Variants in RNF112 observed in about 807,000 individuals in gnomAD.
RNF112 encodes ring finger protein 112, also known as brain finger protein.
RNF112 carries 34 observed loss-of-function variants against 64.7 expected under a neutral mutation model. That is an observed-to-expected ratio of 0.53 (90% CI 0.40 to 0.70). RNF112 has a LOEUF of 0.70. RNF112 is among the 30% of genes least tolerant of loss of function. RNF112 has a pLI of 0.00. For synonymous variants in RNF112, 345 were observed against 344.5 expected, an observed-to-expected ratio of 1.00 and a Z score of -0.02; for missense variants, 734 against 850.0, an observed-to-expected ratio of 0.86 and a Z score of 1.70.
Position 19,412,728 on chromosome 17 carries a change from G to C in RNF112, c.326G>C (p.Ser109Thr), listed in dbSNP as rs561425897. The change falls in exon 3 of 14, where the codon AGC (serine) becomes ACC (threonine). Residue 109 changes from serine (S) to threonine (T), a missense_variant. Physicochemically the swap from Ser to Thr is moderately conservative, Grantham distance 58. Transcript: ENST00000461366. The surrounding 1 kb of genome is among the most constrained non-coding windows in gnomAD (Gnocchi z 5.1). ...TGCAAGCAGAAGAGGGGCCTCCGGA[G>C]CCTGGGCGAGAAGATGAAGCTCCTG... ...KICKQKRGLRSLGEKMKLLPQ... is the reference protein window; with the variant it reads ...KICKQKRGLRTLGEKMKLLPQ... 89 of 1,613,134 alleles carry C rather than the reference G, an allele frequency of 5.5e-5. 1 individual carries two copies. The East Asian group carries it at 1.8e-3, about 33-fold the overall frequency.
chr17:19,413,366 A>G lies in RNF112; in HGVS notation c.675A>G (p.Ile225Met), dbSNP rs1253350279. 1.2e-6 allele frequency: 2 copies of G among 1,613,018 alleles called. No homozygotes were observed. Among genetic ancestry groups the G allele is most frequent in the Non-Finnish European group, 1.7e-6 (2 of 1,179,554 alleles). ...RWGANGLARG[I>M]WMWSHPFLLG... ...GCGCCAATGGCCTCGCCAGGGGCAT[A>G]TGGATGTGGAGCCACCCCTTCTTGC... The change falls in exon 5 of 14, where the codon ATA (isoleucine) becomes ATG (methionine). Residue 225 changes from isoleucine (I) to methionine (M), a missense_variant. Transcript: ENST00000461366. The surrounding 1 kb of genome is among the most constrained non-coding windows in gnomAD (Gnocchi z 5.9).
chr17:19,412,400 C>T lies in RNF112; in HGVS notation c.96-98C>T. 6.7e-6 allele frequency: 9 copies of T among 1,333,608 alleles called. No individual in the cohort carries two copies. Among genetic ancestry groups the T allele is most frequent in the East Asian group, 2.5e-5 (1 of 40,470 alleles). The allele number at this position is 1,333,608 out of a possible 1,614,324, so 82.6% of individuals were successfully genotyped here. A position where few individuals can be genotyped will look rare whatever the true frequency, so the allele number is the denominator to read the frequency against. ...GGAAATTGGGTTGGCACAAAGGGAC[C>T]TCCACTCCCAAGCCATCAGTCTTCC... On this transcript the variant is annotated intron_variant, in intron 2 of 13. Coordinates refer to ENST00000461366, the MANE Select transcript of RNF112 (RefSeq NM_007148.5). The surrounding 1 kb of genome is among the most constrained non-coding windows in gnomAD (Gnocchi z 5.1).
rs1913772044 is a variant in RNF112 at position 19,413,970 on chromosome 17, T to C, written c.826-125T>C. The C allele has an allele frequency of 1.3e-6, 1 of 774,428 alleles. No individual in the cohort carries two copies. The highest frequency in any genetic ancestry group is 2.1e-6 in the Non-Finnish European group (1 of 471,436). 48.0% of individuals were successfully genotyped at this position (774,428 alleles called of 1,614,324 possible). A position where few individuals can be genotyped will look rare whatever the true frequency, so the allele number is the denominator to read the frequency against. On this transcript the variant is annotated intron_variant, in intron 6 of 13. Coordinates refer to ENST00000461366, the MANE Select transcript of RNF112 (RefSeq NM_007148.5). This position sits in a 1 kb window ranked among gnomAD's most constrained non-coding sequence, Gnocchi z 5.9. ...AGCCCTGCAGCCTTCGAGGCCCCCA[T>C]ACTGGCCTCTCCCATACTCTGAGGC...
Position 19,413,546 on chromosome 17 carries a change from C to A in RNF112, c.721-31C>A. The A allele has an allele frequency of 6.3e-7, 1 of 1,598,062 alleles. No individual in the cohort carries two copies. Among genetic ancestry groups the A allele is most frequent in the Non-Finnish European group, 8.6e-7 (1 of 1,168,836 alleles). ...ATGTGGGAGAACAAGGCAGGCCTGG[C>A]CCCTTGGGTCTTTCCCTACCCCCTG... On this transcript the variant is annotated intron_variant, in intron 5 of 13. Transcript: ENST00000461366. The surrounding 1 kb of genome is among the most constrained non-coding windows in gnomAD (Gnocchi z 5.9).
Position 19,412,648 on chromosome 17 carries a change from C to T in RNF112, c.246C>T (p.Ser82=). The T allele has an allele frequency of 6.2e-7, 1 of 1,613,500 alleles. No individual in the cohort carries two copies. The highest frequency in any genetic ancestry group is 1.1e-5 in the South Asian group (1 of 91,054). ...ACGACTTCTGCATACGGTGCTTCAG[C>T]ACACACCGTCTCCCGGGCTGTGAGC... is the stretch of plus-strand genomic sequence containing the variant. ...CGHDFCIRCF[S]THRLPGCEPP... is the part of the protein sequence containing the mutation. The change falls in exon 3 of 14, where the codon AGC becomes AGT. Residue 82 remains serine, a synonymous_variant. Transcript: ENST00000461366. This position sits in a 1 kb window ranked among gnomAD's most constrained non-coding sequence, Gnocchi z 5.1.
rs1448167039 is a variant in RNF112 at position 19,412,786 on chromosome 17, C to T, written c.381+3C>T. ...GGCCGCTGCCCCCTGCACTGCAGGTCTGGGGACTGGGCCTAATCAGTCAGA... is the reference window on the plus strand; with the variant it reads ...GGCCGCTGCCCCCTGCACTGCAGGTTTGGGGACTGGGCCTAATCAGTCAGA... On this transcript the variant is annotated splice_donor_region_variant and intron_variant, in intron 3 of 13. Coordinates refer to ENST00000461366, the MANE Select transcript of RNF112 (RefSeq NM_007148.5). This position sits in a 1 kb window ranked among gnomAD's most constrained non-coding sequence, Gnocchi z 5.1. 1 of 1,608,230 alleles carries T rather than the reference C, an allele frequency of 6.2e-7. No homozygotes were observed. The highest frequency in any genetic ancestry group is 1.7e-5 in the Admixed American group (1 of 57,996).
At position 19,413,287 on chromosome 17, in the gene RNF112, G is replaced by A; in HGVS notation, c.596G>A (p.Gly199Asp). 2 of 1,610,636 alleles carry A rather than the reference G, an allele frequency of 1.2e-6. No individual in the cohort carries two copies. The highest frequency in any genetic ancestry group is 1.7e-6 in the Non-Finnish European group (2 of 1,177,824). Residue 199 changes from glycine to aspartate, a missense_variant, in exon 5 of 14, where the codon GGT becomes GAT. Gly to Asp is a moderately conservative substitution (Grantham distance 94, BLOSUM62 -1). Coordinates refer to ENST00000461366, the MANE Select transcript of RNF112 (RefSeq NM_007148.5). The surrounding 1 kb of genome is among the most constrained non-coding windows in gnomAD (Gnocchi z 5.9). Reference protein sequence around the residue: ...LLQGLPGLESGEGGRPRGGEA... With the variant: ...LLQGLPGLESDEGGRPRGGEA... ...CCCTTCTCTCCCCTGCAGGAGTCTGGTGAGGGCGGCCGGCCAAGAGGAGGA... is the reference window on the plus strand; with the variant it reads ...CCCTTCTCTCCCCTGCAGGAGTCTGATGAGGGCGGCCGGCCAAGAGGAGGA...
At position 19,415,783 on chromosome 17, in the gene RNF112, G is replaced by C; in HGVS notation, c.1504G>C (p.Asp502His). ...TMRNLLSTQK[D>H]AILARHGVAL... ...GCGGAACCTCCTCTCCACCCAGAAA[G>C]ATGCCATTCTGGCCCGCCATGGTGT... Residue 502 changes from aspartate to histidine, a missense_variant, in exon 14 of 14, where the codon GAT (aspartate) becomes CAT (histidine). By Grantham distance (81) the Asp-to-His change is moderately conservative. Transcript: ENST00000461366. This position sits in a 1 kb window ranked among gnomAD's most constrained non-coding sequence, Gnocchi z 7.8. 1 of 1,613,690 alleles carries C rather than the reference G, an allele frequency of 6.2e-7. No homozygotes were observed. Among genetic ancestry groups the C allele is most frequent in the Non-Finnish European group, 8.5e-7 (1 of 1,179,888 alleles).
In RNF112 at chr17:19,416,194, A is replaced by C; in HGVS notation, c.*19A>C. 1 of 1,533,490 alleles carries C rather than the reference A, an allele frequency of 6.5e-7. No individual in the cohort carries two copies. Among genetic ancestry groups the C allele is most frequent in the African/African-American group, 1.4e-5 (1 of 72,650 alleles). 95.0% of individuals were successfully genotyped at this position (1,533,490 alleles called of 1,614,324 possible). The stretch of plus-strand genomic sequence containing the variant: ...AGAGTAACAGCCCCAGGAGGTATTG[A>C]AGGACAGGAGAGATGTCAGGTGGGG... On this transcript the variant is annotated 3_prime_UTR_variant, in exon 14 of 14. Transcript: ENST00000461366.
At position 19,412,714 on chromosome 17, in the gene RNF112, G is replaced by A. The variant is rs780072613; in HGVS notation, c.312G>A (p.Lys104=). The change falls in exon 3 of 14, where the codon AAG becomes AAA. Residue 104 remains lysine, a synonymous_variant. Transcript: ENST00000461366. This position sits in a 1 kb window ranked among gnomAD's most constrained non-coding sequence, Gnocchi z 5.1. The stretch of plus-strand genomic sequence containing the variant: ...AGTGCCGGAAGATATGCAAGCAGAA[G>A]AGGGGCCTCCGGAGCCTGGGCGAGA... ...CPECRKICKQ[K]RGLRSLGEKM... is the part of the protein sequence containing the mutation. 6.2e-7 allele frequency: 1 copy of A among 1,613,182 alleles called. No individual in the cohort carries two copies. Among genetic ancestry groups the A allele is most frequent in the African/African-American group, 1.3e-5 (1 of 74,842 alleles).
chr17:19,411,668 T>C lies in RNF112; in HGVS notation c.93T>C (p.Ser31=). The change falls in exon 2 of 14, where the codon AGT becomes AGC. Residue 31 remains serine, a splice_region_variant and synonymous_variant. Transcript: ENST00000461366. ...GCTTCATGGGAAACAGCGGCAACAG[T>C]TGGTAAGTAGCAGGGCCTTCCAGGC... ...KQSFMGNSGN[S]WSHTPFPKLE... is the part of the protein sequence containing the mutation. 2 of 1,576,110 alleles carry C rather than the reference T, an allele frequency of 1.3e-6. No homozygotes were observed. Among genetic ancestry groups the C allele is most frequent in the East Asian group, 2.3e-5 (1 of 42,930 alleles).
In RNF112 at chr17:19,415,005, C is replaced by T. The variant is rs756862345; in HGVS notation, c.1127-33C>T. ...TGACACCCCTTCTCCTCCCAAAGCC[C>T]GCAGTCTCTCAGCATGCACATCTCT... On this transcript the variant is annotated intron_variant, in intron 10 of 13. Transcript: ENST00000461366. This position sits in a 1 kb window ranked among gnomAD's most constrained non-coding sequence, Gnocchi z 7.8. 1.9e-6 allele frequency: 3 copies of T among 1,580,782 alleles called. No individual in the cohort carries two copies. The highest frequency in any genetic ancestry group is 1.7e-6 in the Non-Finnish European group (2 of 1,160,396).
In RNF112 at chr17:19,416,614, A is replaced by G. The variant is rs1000529770; in HGVS notation, c.*439A>G. ...GTGAGAAGCCCCAGGATGATTGACC[A>G]TGGTGTTCAGGAGCGGGGAGCACTG... is the stretch of plus-strand genomic sequence containing the variant. On this transcript the variant is annotated 3_prime_UTR_variant, in exon 14 of 14. Transcript: ENST00000461366. 1.8e-5 allele frequency: 3 copies of G among 170,628 alleles called. No homozygotes were observed. The highest frequency in any genetic ancestry group is 5.4e-5 in the Admixed American group (1 of 18,350). 10.6% of individuals were successfully genotyped at this position (170,628 alleles called of 1,614,324 possible).
rs1286498616 is a variant in RNF112 at position 19,416,296 on chromosome 17, C to T, written c.*121C>T. 1.2e-5 allele frequency: 11 copies of T among 940,688 alleles called. No homozygotes were observed. The highest frequency in any genetic ancestry group is 3.4e-5 in the African/African-American group (2 of 59,590). The allele number at this position is 940,688 out of a possible 1,614,324, so 58.3% of individuals were successfully genotyped here. A position where few individuals can be genotyped will look rare whatever the true frequency, so the allele number is the denominator to read the frequency against. On this transcript the variant is annotated 3_prime_UTR_variant, in exon 14 of 14. Transcript: ENST00000461366. Reference sequence around the variant, plus strand: ...CCGCCATGTACTGCACTGCCCTGGTCGAATGCTCGGTGTCTGGGTGGCAGC... The same window carrying T: ...CCGCCATGTACTGCACTGCCCTGGTTGAATGCTCGGTGTCTGGGTGGCAGC...
In RNF112 at chr17:19,413,645, G is replaced by T. The variant is rs765010405; in HGVS notation, c.789G>T (p.Lys263Asn). The T allele has an allele frequency of 1.2e-5, 19 of 1,612,528 alleles. No homozygotes were observed. Among genetic ancestry groups the T allele is most frequent in the Non-Finnish European group, 1.6e-5 (19 of 1,179,406 alleles). ...AGCTGAGCAGGGAAACAAGGATCAA[G>T]CTCTGTGCTCTCACCACGATGCTGA... ...SPELSRETRI[K>N]LCALTTMLSS... Residue 263 changes from lysine (K) to asparagine (N), a missense_variant, in exon 6 of 14, where the codon AAG becomes AAT. Physicochemically the swap from Lys to Asn is moderately conservative, Grantham distance 94. Transcript: ENST00000461366. This position sits in a 1 kb window ranked among gnomAD's most constrained non-coding sequence, Gnocchi z 5.9.
chr17:19,416,103 G>GGGCT lies in RNF112; in HGVS notation c.1826_1829dup (p.Cys610TrpfsTer9). 1.3e-6 allele frequency: 2 copies of GGGCT among 1,583,418 alleles called. No individual in the cohort carries two copies. The highest frequency in any genetic ancestry group is 1.7e-6 in the Non-Finnish European group (2 of 1,165,488). Reference sequence around the variant, plus strand: ...TGGGTGCTGGGTTGGCTGCCACAGTGGGCTGCATGGAGAAGGAGGAGGATG... The same window carrying GGGCT: ...TGGGTGCTGGGTTGGCTGCCACAGTGGGCTGGCTGCATGGAGAAGGAGGAGGATG... On this transcript the variant is annotated frameshift_variant, in exon 14 of 14. Coordinates refer to ENST00000461366, the MANE Select transcript of RNF112 (RefSeq NM_007148.5). LOFTEE classifies it high-confidence loss of function.
rs766786565 is a variant in RNF112, at chr17:19,413,202, G to T, written c.588+58G>T. 1.3e-5 allele frequency: 21 copies of T among 1,596,956 alleles called. No individual in the cohort carries two copies. The highest frequency in any genetic ancestry group is 1.8e-5 in the Non-Finnish European group (21 of 1,169,504). On this transcript the variant is annotated intron_variant, in intron 4 of 13. Coordinates refer to ENST00000461366, the MANE Select transcript of RNF112 (RefSeq NM_007148.5). This position sits in a 1 kb window ranked among gnomAD's most constrained non-coding sequence, Gnocchi z 5.9. ...GAGCAAGGATGGGGGTTCCTGCCTG[G>T]GGGAAGCTGGGTCTGGTATTCCGGT...
rs1484484508 is a variant in RNF112, at chr17:19,416,965, C to T, written c.*790C>T. 2 of 152,084 alleles carry T rather than the reference C, an allele frequency of 1.3e-5. No individual in the cohort carries two copies. Among genetic ancestry groups the T allele is most frequent in the African/African-American group, 4.8e-5 (2 of 41,402 alleles). 9.4% of individuals were successfully genotyped at this position (152,084 alleles called of 1,614,324 possible). ...AAAGAATAACACCTTTTCTTGCATT[C>T]TGAGCTAAGCCAGACAGCCTTTATA... is the stretch of plus-strand genomic sequence containing the variant. On this transcript the variant is annotated 3_prime_UTR_variant, in exon 14 of 14. Coordinates refer to ENST00000461366, the MANE Select transcript of RNF112 (RefSeq NM_007148.5).
chr17:19,415,306 G>A lies in RNF112; in HGVS notation c.1317G>A (p.Gly439=). Residue 439 remains glycine, a synonymous_variant, in exon 12 of 14, where the codon GGG becomes GGA. Transcript: ENST00000461366. This position sits in a 1 kb window ranked among gnomAD's most constrained non-coding sequence, Gnocchi z 7.8. ...QEIKNLSGWM[G]RTGPGFTSPD... ...CGCAGAACCTCTCAGGATGGATGGG[G>A]AGGACAGGGCCCGGTTTCACCTCTC... The A allele has an allele frequency of 6.2e-7, 1 of 1,609,842 alleles. No homozygotes were observed.
Sources: allele counts gnomAD v4.1 joint callset, GRCh38; gene constraint gnomAD v4.1.1; non-coding constraint Gnocchi (gnomAD v3.1); transcripts MANE v1.5; gene names NCBI Gene and HGNC (gene_info 2026-07-23, HGNC 2026-07-21).